CTCFL: variants seen among roughly 807,000 people sequenced by gnomAD.
CTCFL encodes transcriptional repressor CTCFL.
CTCFL carries 36 observed loss-of-function variants against 67.4 expected under a neutral mutation model. That is an observed-to-expected ratio of 0.53 (90% CI 0.41 to 0.71). The LOEUF is 0.71. Among genes scored for constraint, CTCFL ranks in the 30% least tolerant of loss-of-function variants. CTCFL has a pLI of 0.00. For missense variants in CTCFL, 786 were observed against 835.2 expected (o/e 0.94, Z 0.73); for synonymous variants, 324 against 302.3 (o/e 1.07, Z -0.75).
At chr20:57,499,081 G>A (rs1425704746) in intron 10 of CTCFL, among the ~76,000 whole-genome samples, 14 of 108,128 alleles carry the variant, frequency 1.3e-4, no homozygotes, top group African/African-American at 6.2e-4. Context: ...GACGGGGGGG[G>A]GGTGGGGGGG....
At position 57,503,446 on chromosome 20, in the gene CTCFL, C is replaced by T. The variant is rs139664564; in HGVS notation, c.1830G>A (p.Ala610=). ...KEAAKGWKEA[A]NGDEAAAEEA... is the part of the protein sequence containing the mutation. Reference sequence around the variant, plus strand: ...GCGTAAAATCAGTACCGTCTCCGTTCGCGGCTTCCTTCCATCCCTTCGCAG... The same window carrying T: ...GCGTAAAATCAGTACCGTCTCCGTTTGCGGCTTCCTTCCATCCCTTCGCAG... The change falls in exon 10 of 11, where the codon GCG becomes GCA. Residue 610 remains alanine, a synonymous_variant. Transcript: ENST00000243914. 69 of 1,614,028 alleles carry T rather than the reference C, an allele frequency of 4.3e-5. No homozygotes were observed. The highest frequency in any genetic ancestry group is 2.5e-4 in the African/African-American group (19 of 74,924).
intron 10 of CTCFL, among the ~76,000 whole-genome samples, chr20:57,499,073 C>CGGGGGGGGGG (rs11475885): frequency 2.9e-4 from 19 of 65,434 alleles, no homozygotes; most frequent in South Asian, 7.9e-4. Flanking sequence ...CTGAAGGTGA[C>CGGGGGGGGGG]GGGGGGGGGG....
intron 9 of CTCFL, chr20:57,507,380 T>G: frequency 1.7e-6 from 1 of 579,344 alleles, no homozygotes; most frequent in Non-Finnish European, 3.1e-6. Context: ...TTTTTTAAAG[T>G]AGAGACAGGG....
intron 10 of CTCFL, among the ~76,000 whole-genome samples, chr20:57,501,591 A>G (rs1054572581): frequency 6.6e-6 from 1 of 152,228 alleles, no homozygotes; most frequent in Non-Finnish European, 1.5e-5. Flanking sequence ...CCCATCAGTG[A>G]GACACTGGTT....
chr20:57,510,897 C>A (rs1319752512), intron 8 of CTCFL, among the ~76,000 whole-genome samples: 3 of 152,150 alleles, frequency 2.0e-5, no homozygotes, highest in African/African-American at 7.2e-5. Flanking sequence ...GGATTCCTAT[C>A]TCTGCTCTTC....
rs1472545014 is a variant in CTCFL at position 57,497,881 on chromosome 20, A to G, written c.*669T>C. ...ATCTAAAGGTGAACCTTGCTCCTAT[A>G]CCAAAGTAAAATCGATTTATTCCTT... On this transcript the variant is annotated 3_prime_UTR_variant, in exon 11 of 11. Transcript: ENST00000243914. 1.0e-6 allele frequency: 1 copy of G among 972,802 alleles called. No individual in the cohort carries two copies. Among genetic ancestry groups the G allele is most frequent in the Non-Finnish European group, 1.2e-6 (1 of 818,610 alleles). 60.3% of individuals were successfully genotyped at this position (972,802 alleles called of 1,614,324 possible).
intron 9 of CTCFL, chr20:57,507,882 A>G: frequency 1.4e-6 from 1 of 703,018 alleles, no homozygotes; most frequent in East Asian, 2.7e-5. Flanking sequence ...AACACCTAAA[A>G]GAATAAAACC....
chr20:57,498,352 T>A lies in CTCFL; in HGVS notation c.*198A>T, dbSNP rs528687598. Reference sequence around the variant, plus strand: ...TAGACACTACCTCAAACTTGTGTCATCCATTGTCATGAACTTAATTGTTTC... The same window carrying A: ...TAGACACTACCTCAAACTTGTGTCAACCATTGTCATGAACTTAATTGTTTC... On this transcript the variant is annotated 3_prime_UTR_variant, in exon 11 of 11. Coordinates refer to ENST00000243914, the MANE Select transcript of CTCFL (RefSeq NM_001386993.1). 2.8e-5 allele frequency: 37 copies of A among 1,336,512 alleles called. No homozygotes were observed. In the African/African-American group the frequency reaches 5.1e-4, roughly 19 times the overall value. The allele number at this position is 1,336,512 out of a possible 1,614,324, so 82.8% of individuals were successfully genotyped here.
intron 9 of CTCFL, chr20:57,507,546 C>A (rs765573246): frequency 1.4e-6 from 1 of 701,550 alleles, no homozygotes; most frequent in African/African-American, 1.7e-5. Context: ...TGGCTTCCTA[C>A]TTGCACTCTC....
chr20:57,508,102 C>T (rs1383294975), intron 9 of CTCFL, among the ~76,000 whole-genome samples: 1 of 152,066 alleles, frequency 6.6e-6, no homozygotes, highest in African/African-American at 2.4e-5. Flanking sequence ...ACCACCACAA[C>T]CAGCTAATTT....
chr20:57,496,496 AATG>A, downstream of CTCFL: 2 of 437,798 alleles, frequency 4.6e-6, no homozygotes, highest in Non-Finnish European at 8.2e-6. Flanking sequence ...GGTTCAGTGG[AATG>A]ATTAGGTAGA....
chr20:57,496,752 C>T (rs889887682), downstream of CTCFL, among the ~76,000 whole-genome samples: 4 of 152,178 alleles, frequency 2.6e-5, no homozygotes, highest in African/African-American at 7.2e-5. Flanking sequence ...CTCAAGGTTC[C>T]CCCATGTTGT....
rs746133762 is a variant in CTCFL at position 57,519,277 on chromosome 20, G to T, written c.855C>A (p.His285Gln). The T allele has an allele frequency of 6.2e-7, 1 of 1,614,152 alleles. No individual in the cohort carries two copies. Among genetic ancestry groups the T allele is most frequent in the Non-Finnish European group, 8.5e-7 (1 of 1,180,022 alleles). Residue 285 changes from histidine to glutamine, a missense_variant, in exon 4 of 11, where the codon CAC becomes CAA. This residue lies in a region of CTCFL where 254 missense variants were observed against 333.9 expected (regional missense o/e 0.76). Coordinates refer to ENST00000243914, the MANE Select transcript of CTCFL (RefSeq NM_001386993.1). Reference sequence around the variant, plus strand: ...AGGTTTTCAGGCAGAGGTGACACAGGTGAGGCTTCTCACTGGTGTGAGTTT... The same window carrying T: ...AGGTTTTCAGGCAGAGGTGACACAGTTGAGGCTTCTCACTGGTGTGAGTTT... ...HMKTHTSEKP[H>Q]LCHLCLKTFR... is the part of the protein sequence containing the mutation.
At chr20:57,521,357 C>T (rs542590876) in intron 3 of CTCFL, among the ~76,000 whole-genome samples, 48 of 152,182 alleles carry the variant, frequency 3.2e-4, no homozygotes, top group Non-Finnish European at 4.7e-4. Flanking sequence ...AAAACTACAA[C>T]GAGATACCTC....
chr20:57,523,222 G>C lies in CTCFL; in HGVS notation c.600C>G (p.Leu200=), dbSNP rs750440151. The C allele has an allele frequency of 6.2e-7, 1 of 1,613,976 alleles. No individual in the cohort carries two copies. The highest frequency in any genetic ancestry group is 8.5e-7 in the Non-Finnish European group (1 of 1,180,004). ...QLLAERTKEQ[L]FFVETMSGDE... ...CTCCTGACATTGTTTCCACAAAAAA[G>C]AGCTGCTCCTTTGTTCTTTCAGCCA... The change falls in exon 3 of 11, where the codon CTC becomes CTG. Residue 200 remains leucine, a synonymous_variant. Coordinates refer to ENST00000243914, the MANE Select transcript of CTCFL (RefSeq NM_001386993.1).
chr20:57,511,844 C>T (rs1015114095), intron 8 of CTCFL, among the ~76,000 whole-genome samples: 1 of 152,154 alleles, frequency 6.6e-6, no homozygotes, highest in Non-Finnish European at 1.5e-5. Flanking sequence ...CCACATGCCT[C>T]GGCCTCCCAA....
chr20:57,506,253 G>T (rs2068203884), intron 9 of CTCFL, among the ~76,000 whole-genome samples: 1 of 152,158 alleles, frequency 6.6e-6, no homozygotes, highest in Admixed American at 6.6e-5. Flanking sequence ...TACGCTTACT[G>T]GCCACCTGTA....
At chr20:57,509,205 C>A (rs117777911) in intron 8 of CTCFL, among the ~76,000 whole-genome samples, 5,937 of 152,140 alleles carry the variant, frequency 0.039, 192 homozygotes, top group Non-Finnish European at 0.053. Context: ...ATTCAGCAGA[C>A]CTTTGGGGTT....
chr20:57,518,286 C>T (rs1259367819), intron 5 of CTCFL, among the ~76,000 whole-genome samples: 1 of 152,166 alleles, frequency 6.6e-6, no homozygotes, highest in Non-Finnish European at 1.5e-5. Flanking sequence ...CTATGGCACA[C>T]CTGAAGTTTG....
Sources: gnomAD v4.1 joint callset for allele counts (sites outside exome capture counted in the v4.1 genomes callset) on GRCh38, gnomAD v4.1.1 for gene constraint, gnomAD v4.1.1 regional missense constraint, MANE v1.5 for transcripts, NCBI Gene and HGNC (gene_info 2026-07-23, HGNC 2026-07-21) for gene names.